Variants in FRY observed in about 807,000 individuals in gnomAD.
The protein encoded by FRY is FRY microtubule binding protein, also known as protein furry homolog.
A neutral mutation model predicts 348.4 loss-of-function variants in FRY; 128 were observed. The observed-to-expected ratio is 0.37, with a 90% CI of 0.32 to 0.43. The LOEUF (loss-of-function observed/expected upper bound fraction) is 0.43, where lower values mean the gene tolerates loss of function less well. FRY is among the 20% of genes least tolerant of loss of function. The pLI is 1.00. For missense variants in FRY, 2,736 were observed against 3,695.2 expected, an observed-to-expected ratio of 0.74 and a Z score of 6.73; for synonymous variants, 1,370 against 1,374.7, an observed-to-expected ratio of 1.00 and a Z score of 0.08.
chr13:32,194,414 T>C (rs1883552423), intron 29 of FRY, 117 bp downstream of exon 29: 3 of 903,306 alleles, frequency 3.3e-6, no homozygotes, highest in African/African-American at 3.3e-5. Context: ...TATGAGAATA[T>C]AAAATGTTCT....
chr13:32,165,989 C>T (rs1375530470), intron 17 of FRY, among the ~76,000 whole-genome samples: 1 of 152,194 alleles, frequency 6.6e-6, no homozygotes, highest in African/African-American at 2.4e-5. Flanking sequence ...GGGCCCAGGA[C>T]CATTGGCAGT....
At chr13:32,226,559 C>T (rs540387825) in intron 39 of FRY, among the ~76,000 whole-genome samples, 26 of 152,278 alleles carry the variant, frequency 1.7e-4, no homozygotes, top group African/African-American at 5.5e-4. Flanking sequence ...TTCATGAAAA[C>T]GGGTAATAGT....
At chr13:32,083,793 G>T (rs574487213) in intron 2 of FRY, among the ~76,000 whole-genome samples, 18 of 151,998 alleles carry the variant, frequency 1.2e-4, no homozygotes, top group South Asian at 2.1e-4. Flanking sequence ...TTCTTTTAAT[G>T]GTGCATAGAT....
At chr13:32,244,460 T>C (rs1886673203) in intron 47 of FRY, among the ~76,000 whole-genome samples, 1 of 152,172 alleles carries the variant, frequency 6.6e-6, no homozygotes, top group Non-Finnish European at 1.5e-5. Flanking sequence ...CACGCCTGAC[T>C]TGGAGGGCAG....
rs746295815 is a variant in FRY, at chr13:32,278,540, G to C, written c.8461G>C (p.Glu2821Gln). The change falls in exon 58 of 61, where the codon GAA (glutamate) becomes CAA (glutamine). Residue 2821 changes from glutamate (E) to glutamine (Q), a missense_variant. Physicochemically the swap from Glu to Gln is conservative, Grantham distance 29. Around this residue, in one of 9 missense-constraint regions of FRY, gnomAD observed 789 missense variants for 996.2 expected, o/e 0.79. Transcript: ENST00000542859. ...AATTACCTGTCAACCAGGGGACTCC[G>C]AAGAAAAGGTAATAAAAGCCTGTTA... ...GVITCQPGDS[E>Q]EKQLELCQRL... The C allele has an allele frequency of 5.7e-5, 88 of 1,536,838 alleles. No individual in the cohort carries two copies. Among genetic ancestry groups the C allele is most frequent in the Non-Finnish European group, 7.7e-5 (86 of 1,109,786 alleles).
chr13:32,261,458 T>A (rs1190108937), intron 51 of FRY, 158 bp from the exon 52 acceptor site: 2 of 780,426 alleles, frequency 2.6e-6, no homozygotes, highest in Non-Finnish European at 4.7e-6. Context: ...TTTACTACTT[T>A]TCACATTGGG....
intron 15 of FRY, among the ~76,000 whole-genome samples, chr13:32,156,014 T>G (rs1017956332): frequency 6.6e-6 from 1 of 152,192 alleles, no homozygotes; most frequent in Non-Finnish European, 1.5e-5. Context: ...TCTTTTTTCT[T>G]TAGTTAAATT....
intron 8 of FRY, among the ~76,000 whole-genome samples, chr13:32,133,083 C>T (rs1879470899): frequency 6.6e-6 from 1 of 152,050 alleles, no homozygotes; most frequent in African/African-American, 2.4e-5. Flanking sequence ...GGTAGAGTTT[C>T]CTTTGGGTGT....
chr13:32,042,698 C>A (rs1872808435), intron 1 of FRY, among the ~76,000 whole-genome samples: 1 of 152,202 alleles, frequency 6.6e-6, no homozygotes, highest in African/African-American at 2.4e-5. Context: ...TTTCTTGTAA[C>A]AAGAAGATTA....
chr13:32,127,503 T>C lies in FRY; in HGVS notation c.716+2628T>C, dbSNP rs200416788. Among the ~76,000 whole-genome samples the C allele has an allele frequency of 9.7e-3, 1,469 of 152,206 alleles. 8 individuals are homozygous for C. Among genetic ancestry groups the C allele is most frequent in the Middle Eastern group, 0.02 (6 of 294 alleles). On this transcript the variant is annotated intron_variant, in intron 7 of 60. Transcript: ENST00000542859. ...GGACTTTTAAAAATAAAAGTCTGAG[T>C]GCGGTGGCTCACACCTGTAATTCCA...
chr13:32,146,484 C>T (rs563971539), intron 11 of FRY, among the ~76,000 whole-genome samples: 2 of 152,116 alleles, frequency 1.3e-5, no homozygotes, highest in South Asian at 2.1e-4. Context: ...TACAGGCACC[C>T]GCCACCAGGC....
chr13:32,074,677 A>G (rs894745383), intron 1 of FRY, among the ~76,000 whole-genome samples: 6 of 152,262 alleles, frequency 3.9e-5, no homozygotes, highest in Non-Finnish European at 7.3e-5. Context: ...ACAGATTTTA[A>G]AAAAGTCATT....
intron 42 of FRY, 119 bp from the exon 43 acceptor site, chr13:32,235,959 C>A: frequency 1.2e-6 from 1 of 801,868 alleles, no homozygotes; most frequent in Non-Finnish European, 2.1e-6. Flanking sequence ...TTATTTTAGA[C>A]TTCATAAATT....
chr13:32,196,579 A>AGT (rs147310088), intron 29 of FRY, among the ~76,000 whole-genome samples: 68 of 149,692 alleles, frequency 4.5e-4, no homozygotes, highest in East Asian at 7.8e-4. Context: ...TGAGTGTGAG[A>AGT]GTGTGTGTGT....
intron 2 of FRY, among the ~76,000 whole-genome samples, chr13:32,080,939 AC>A (rs956439389): frequency 1.3e-5 from 2 of 152,206 alleles, no homozygotes; most frequent in African/African-American, 4.8e-5. Flanking sequence ...AGGTCCTGAC[AC>A]CTTTTCAACC....
chr13:32,227,541 C>G (rs1885643997), intron 39 of FRY, among the ~76,000 whole-genome samples: 1 of 152,010 alleles, frequency 6.6e-6, no homozygotes. Context: ...CACAGCCTAC[C>G]CAGAGGTATA....
chr13:32,195,396 G>A (rs1200091854), intron 29 of FRY, among the ~76,000 whole-genome samples: 1 of 152,090 alleles, frequency 6.6e-6, no homozygotes, highest in Non-Finnish European at 1.5e-5. Flanking sequence ...TCTTTGTCCA[G>A]AGTGCTTTTT....
At chr13:32,174,044 C>T (rs1006269005) in intron 19 of FRY, among the ~76,000 whole-genome samples, 1 of 152,210 alleles carries the variant, frequency 6.6e-6, no homozygotes, top group Non-Finnish European at 1.5e-5. Flanking sequence ...TAAGCATGAT[C>T]AATGCCTGCT....
At chr13:32,067,391 G>A (rs1227389335) in intron 1 of FRY, among the ~76,000 whole-genome samples, 1 of 152,058 alleles carries the variant, frequency 6.6e-6, no homozygotes, top group African/African-American at 2.4e-5. Context: ...TGAGTTTACA[G>A]GTAGGAATAA....
Sources: allele counts gnomAD v4.1 joint callset (sites outside exome capture counted in the v4.1 genomes callset), GRCh38; gene constraint gnomAD v4.1.1; regional missense constraint gnomAD v4.1.1; transcripts MANE v1.5; gene names NCBI Gene and HGNC (gene_info 2026-07-23, HGNC 2026-07-21).